The following UBIAD1 variants were observed in gnomAD, a reference collection of about 807,000 sequenced individuals.
UBIAD1 encodes the protein ubiA prenyltransferase domain-containing protein 1.
A neutral mutation model predicts 20.1 loss-of-function variants in UBIAD1; 12 were observed. That is an observed-to-expected ratio of 0.60 (90% CI 0.38 to 0.97). The LOEUF (loss-of-function observed/expected upper bound fraction) is 0.97. Among genes scored for constraint, UBIAD1 ranks in the 50% least tolerant of loss-of-function variants. The pLI is 0.00. For missense variants in UBIAD1, 333 were observed against 419.5 expected (o/e 0.79, Z 1.80); for synonymous variants, 207 against 189.2 (o/e 1.09, Z -0.77).
chr1:11,296,525 C>T (rs1176559258), downstream of UBIAD1, among the ~76,000 whole-genome samples: 1 of 152,034 alleles, frequency 6.6e-6, no homozygotes, highest in Non-Finnish European at 1.5e-5. Context: ...CCCCTGTCCC[C>T]CCCTTTGTTT....
At chr1:11,284,496 G>C (rs1166973572) in intron 1 of UBIAD1, among the ~76,000 whole-genome samples, 1 of 152,106 alleles carries the variant, frequency 6.6e-6, no homozygotes, top group African/African-American at 2.4e-5. Flanking sequence ...ACAGAGTCTT[G>C]CTCTGTCTGC....
Position 11,286,014 on chromosome 1 carries a change from T to G in UBIAD1, c.900T>G (p.Phe300Leu). 1 of 1,614,192 alleles carries G rather than the reference T, an allele frequency of 6.2e-7. No individual in the cohort carries two copies. The highest frequency in any genetic ancestry group is 8.5e-7 in the Non-Finnish European group (1 of 1,180,026). Residue 300 changes from phenylalanine to leucine, a missense_variant, in exon 2 of 2, where the codon TTT becomes TTG. Phe to Leu is a conservative substitution (Grantham distance 22). Transcript: ENST00000376810. Reference sequence around the variant, plus strand: ...TGGCCTTCTCCCTTGAGAGACAGTTTCGAAGCCAGGCCTTCAACAAACTGC... The same window carrying G: ...TGGCCTTCTCCCTTGAGAGACAGTTGCGAAGCCAGGCCTTCAACAAACTGC... ...IPMAFSLERQ[F>L]RSQAFNKLPQ...
At chr1:11,289,762 ACT>A (rs1241334392), downstream of UBIAD1, among the ~76,000 whole-genome samples, 25 of 140,256 alleles carry the variant, frequency 1.8e-4, no homozygotes, top group East Asian at 5.2e-3. Context: ...TATATATCTC[ACT>A]CTGTCGCACG....
At chr1:11,297,446 A>G (rs1189700256), downstream of UBIAD1, among the ~76,000 whole-genome samples, 1 of 151,500 alleles carries the variant, frequency 6.6e-6, no homozygotes, top group Non-Finnish European at 1.5e-5. Context: ...TAAGCCATCT[A>G]GTTTAATGGT....
downstream of UBIAD1, among the ~76,000 whole-genome samples, chr1:11,288,744 C>CA (rs1015635841): frequency 6.6e-6 from 1 of 151,900 alleles, no homozygotes; most frequent in Non-Finnish European, 1.5e-5. Context: ...CCCATCTCTA[C>CA]AAAAAAAATT....
chr1:11,276,368 T>G (rs1360889261), intron 1 of UBIAD1, among the ~76,000 whole-genome samples: 1 of 151,966 alleles, frequency 6.6e-6, no homozygotes, highest in African/African-American at 2.4e-5. Context: ...ATTTACATTT[T>G]CAGACTAACT....
chr1:11,280,983 C>G (rs1451273476), intron 1 of UBIAD1, among the ~76,000 whole-genome samples: 27 of 152,078 alleles, frequency 1.8e-4, no homozygotes, highest in Admixed American at 1.8e-3. Flanking sequence ...TCTTTGCCCA[C>G]CTTTTGCCCT....
chr1:11,282,503 T>C (rs1652271798), intron 1 of UBIAD1, among the ~76,000 whole-genome samples: 2 of 151,992 alleles, frequency 1.3e-5, no homozygotes, highest in African/African-American at 4.8e-5. Context: ...CCAGAGTGGG[T>C]TGCTCTTGGT....
At chr1:11,298,569 A>AAAAT (rs368913011), downstream of UBIAD1, among the ~76,000 whole-genome samples, 46,163 of 144,856 alleles carry the variant, frequency 0.32, 7,624 homozygotes, top group Non-Finnish European at 0.35. The surrounding 1 kb of genome is among the most constrained non-coding windows in gnomAD (Gnocchi z 4.0). Context: ...CCTGTCTCCA[A>AAAAT]AAATAAATAA....
downstream of UBIAD1, chr1:11,295,179 G>A: frequency 2.2e-6 from 1 of 461,606 alleles, no homozygotes; most frequent in Non-Finnish European, 3.9e-6. Flanking sequence ...GTAGAGATGG[G>A]GCTGCTGGGT....
intron 1 of UBIAD1, among the ~76,000 whole-genome samples, chr1:11,276,402 G>A (rs113846001): frequency 4.8e-4 from 73 of 151,970 alleles, no homozygotes; most frequent in African/African-American, 1.7e-3. Flanking sequence ...TGTGCCTCAT[G>A]CCTGTAATCT....
chr1:11,297,521 C>T (rs190027574), downstream of UBIAD1, among the ~76,000 whole-genome samples: 16 of 152,222 alleles, frequency 1.1e-4, no homozygotes, highest in South Asian at 2.1e-4. Flanking sequence ...TTGGTGATTC[C>T]GAGGGGCTCT....
At chr1:11,281,388 C>G (rs1322685500) in intron 1 of UBIAD1, among the ~76,000 whole-genome samples, 2 of 152,188 alleles carry the variant, frequency 1.3e-5, no homozygotes, top group Non-Finnish European at 2.9e-5. Flanking sequence ...CGAGCTCCCT[C>G]CCTGCAGTCA....
At chr1:11,283,075 T>C (rs921849188) in intron 1 of UBIAD1, among the ~76,000 whole-genome samples, 2 of 151,996 alleles carry the variant, frequency 1.3e-5, no homozygotes, top group Non-Finnish European at 2.9e-5. Flanking sequence ...TTGGTCAGGC[T>C]GGTCTCGAAC....
chr1:11,286,461 T>C lies in UBIAD1; in HGVS notation c.*330T>C. The C allele has an allele frequency of 2.7e-6, 1 of 372,078 alleles. No individual in the cohort carries two copies. Among genetic ancestry groups the C allele is most frequent in the Admixed American group, 4.1e-5 (1 of 24,288 alleles). 23.0% of individuals were successfully genotyped at this position (372,078 alleles called of 1,614,324 possible). On this transcript the variant is annotated 3_prime_UTR_variant, in exon 2 of 2. Transcript: ENST00000376810. ...TAGTTCCTCCTTGTTCTGTACAAAA[T>C]GTCTCCAGACTTTGTAAAGGAGCTG...
rs1557514275 is a variant in UBIAD1, at chr1:11,274,011, G to C, written c.480G>C (p.Leu160Phe). Residue 160 changes from leucine (L) to phenylalanine (F), a missense_variant, in exon 1 of 2, where the codon TTG (leucine) becomes TTC (phenylalanine). Leu to Phe is a conservative substitution (Grantham distance 22). Around this residue, in one of 3 missense-constraint regions of UBIAD1, gnomAD observed 226 missense variants for 263.5 expected, o/e 0.86. Transcript: ENST00000376810. ...YYLSPLKLEH[L>F]ALIYFGGLSG... ...TGTCCCCTCTGAAACTGGAGCACTT[G>C]GCTCTTATCTACTTTGGAGGCCTGT... 2.5e-6 allele frequency: 4 copies of C among 1,614,040 alleles called. No homozygotes were observed. The highest frequency in any genetic ancestry group is 3.4e-6 in the Non-Finnish European group (4 of 1,180,044).
chr1:11,286,057 C>T lies in UBIAD1; in HGVS notation c.943C>T (p.Leu315Phe). ...FNKLPQRTAK[L>F]NLLLGLFYVF... Reference sequence around the variant, plus strand: ...CAAACTGCCCCAGAGGACTGCCAAGCTCAACCTCCTGCTGGGACTTTTCTA... The same window carrying T: ...CAAACTGCCCCAGAGGACTGCCAAGTTCAACCTCCTGCTGGGACTTTTCTA... Residue 315 changes from leucine (L) to phenylalanine (F), a missense_variant, in exon 2 of 2, where the codon CTC (leucine) becomes TTC (phenylalanine). Around this residue, in one of 3 missense-constraint regions of UBIAD1, gnomAD observed 226 missense variants for 263.5 expected, o/e 0.86. Coordinates refer to ENST00000376810, the MANE Select transcript of UBIAD1 (RefSeq NM_013319.3). 1.9e-6 allele frequency: 3 copies of T among 1,614,182 alleles called. No individual in the cohort carries two copies. Among genetic ancestry groups the T allele is most frequent in the Non-Finnish European group, 2.5e-6 (3 of 1,180,004 alleles).
rs549761707 is a variant in UBIAD1 at position 11,294,802 on chromosome 1, G to A, written c.530-71G>A. 1.7e-3 allele frequency: 1,251 copies of A among 717,428 alleles called. 8 individuals carry two copies. Among genetic ancestry groups the A allele is most frequent in the Non-Finnish European group, 2.6e-3 (1,013 of 385,072 alleles). 44.4% of individuals were successfully genotyped at this position (717,428 alleles called of 1,614,324 possible). On this transcript the variant is annotated intron_variant, in intron 1 of 1. Transcript: ENST00000376804. ...CCTACCCACGATGATGGAGGCGAAG[G>A]TTCAGTCTCAGGTTAAATTTATGCT...
At chr1:11,295,225 G>A (rs1024859377), downstream of UBIAD1, 3 of 361,202 alleles carry the variant, frequency 8.3e-6, no homozygotes, top group African/African-American at 2.1e-5. Flanking sequence ...GACAATGAGC[G>A]GCGATCAAGG....
Sources: gnomAD v4.1 joint callset for allele counts (sites outside exome capture counted in the v4.1 genomes callset) on GRCh38, gnomAD v4.1.1 for gene constraint, gnomAD v4.1.1 regional missense constraint, Gnocchi (gnomAD v3.1) non-coding constraint, MANE v1.5 for transcripts, NCBI Gene and HGNC (gene_info 2026-07-23, HGNC 2026-07-21) for gene names.